The following PEX7 variants were observed in gnomAD, a reference collection of about 807,000 sequenced individuals.
The protein encoded by PEX7 is peroxisomal biogenesis factor 7, also known as PTS2 receptor.
A neutral mutation model predicts 47.5 loss-of-function variants in PEX7; 34 were observed. The ratio of observed to expected loss-of-function variants is 0.72; its 90% CI spans 0.54 to 0.95. The LOEUF is 0.95. Ranked by LOEUF, PEX7 falls within the 40% of genes least tolerant of loss-of-function variation. PEX7 has a pLI of 0.00. For synonymous variants in PEX7, 141 were observed against 148.8 expected (o/e 0.95, Z 0.38); for missense variants, 394 against 400.3 (o/e 0.98, Z 0.13).
intron 3 of PEX7, among the ~76,000 whole-genome samples, chr6:136,830,791 G>A (rs1445167029): frequency 1.3e-5 from 2 of 152,140 alleles, no homozygotes; most frequent in Non-Finnish European, 2.9e-5. Flanking sequence ...TCAGACTAAT[G>A]AGTTGGCTTA....
intron 8 of PEX7, among the ~76,000 whole-genome samples, chr6:136,874,028 T>C (rs1014201423): frequency 2.0e-5 from 3 of 152,244 alleles, no homozygotes; most frequent in Non-Finnish European, 4.4e-5. Context: ...GCTAATATTT[T>C]ATTTAAAGCT....
chr6:136,904,632 CTTTT>C (rs772446747), intron 9 of PEX7, among the ~76,000 whole-genome samples: 5 of 129,594 alleles, frequency 3.9e-5, no homozygotes, highest in Admixed American at 7.8e-5. Context: ...CCTGCACAAG[CTTTT>C]TTTTTTTTTT....
At chr6:136,834,125 A>C (rs1006331653) in intron 3 of PEX7, among the ~76,000 whole-genome samples, 13 of 152,222 alleles carry the variant, frequency 8.5e-5, no homozygotes, top group African/African-American at 3.1e-4. Context: ...TTGCTATTTG[A>C]CCTGAGTCTT....
chr6:136,824,236 C>G (rs1395483748), intron 1 of PEX7, among the ~76,000 whole-genome samples: 1 of 152,090 alleles, frequency 6.6e-6, no homozygotes, highest in Admixed American at 6.5e-5. Context: ...GGGTCTCACC[C>G]TGTTGCCTAG....
At chr6:136,853,158 G>T (rs1429231661) in intron 5 of PEX7, among the ~76,000 whole-genome samples, 1 of 152,204 alleles carries the variant, frequency 6.6e-6, no homozygotes, top group African/African-American at 2.4e-5. Context: ...ATGCAGCTAC[G>T]CCCGTTTATT....
At chr6:136,825,169 C>T (rs1774164639) in intron 1 of PEX7, 45 bp from the exon 2 acceptor site, 1 of 1,488,294 alleles carries the variant, frequency 6.7e-7, no homozygotes, top group African/African-American at 1.4e-5. Context: ...TTCGATGTTA[C>T]CCTGGCAGGT....
chr6:136,846,739 A>G (rs964340954), intron 5 of PEX7, among the ~76,000 whole-genome samples: 13 of 152,134 alleles, frequency 8.5e-5, no homozygotes, highest in Non-Finnish European at 1.9e-4. Flanking sequence ...GATCCAGTCT[A>G]TCATTGTTGG....
At chr6:136,825,857 C>T (rs906445221) in intron 2 of PEX7, among the ~76,000 whole-genome samples, 13 of 151,848 alleles carry the variant, frequency 8.6e-5, no homozygotes, top group Admixed American at 2.6e-4. Context: ...ATTTTTAGGC[C>T]GTAGTCCCAG....
At chr6:136,890,486 A>G (rs766164766) in intron 8 of PEX7, among the ~76,000 whole-genome samples, 1 of 151,850 alleles carries the variant, frequency 6.6e-6, no homozygotes, top group African/African-American at 2.4e-5. Flanking sequence ...TTTCATGTCC[A>G]GTTACAAGAA....
chr6:136,883,544 C>T (rs1314659768), intron 8 of PEX7, among the ~76,000 whole-genome samples: 1 of 152,126 alleles, frequency 6.6e-6, no homozygotes, highest in Non-Finnish European at 1.5e-5. Context: ...CTGACCCTTC[C>T]TTCTTAGGGT....
chr6:136,903,336 CTTTTT>C (rs552573661), intron 9 of PEX7, among the ~76,000 whole-genome samples: 2 of 126,318 alleles, frequency 1.6e-5, no homozygotes, highest in African/African-American at 5.8e-5. Flanking sequence ...CTTTCTTTCT[CTTTTT>C]TTTTTTTTTT....
At chr6:136,844,854 T>G (rs1419019167) in intron 3 of PEX7, among the ~76,000 whole-genome samples, 1 of 152,210 alleles carries the variant, frequency 6.6e-6, no homozygotes, top group African/African-American at 2.4e-5. Context: ...TACTCATACT[T>G]CCTACGTATA....
chr6:136,906,358 T>C (rs950777023), intron 9 of PEX7, among the ~76,000 whole-genome samples: 6 of 152,160 alleles, frequency 3.9e-5, no homozygotes, highest in Non-Finnish European at 7.4e-5. Context: ...CTATTAAAAA[T>C]AATAAGAGAG....
At chr6:136,898,709 TAG>T (rs1775695926) in intron 9 of PEX7, among the ~76,000 whole-genome samples, 1 of 152,144 alleles carries the variant, frequency 6.6e-6, no homozygotes, top group South Asian at 2.1e-4. Context: ...ACAAGTAAAA[TAG>T]AATGTCTGCT....
intron 8 of PEX7, among the ~76,000 whole-genome samples, chr6:136,875,181 G>A (rs562100708): frequency 2.7e-5 from 4 of 150,542 alleles, no homozygotes; most frequent in Non-Finnish European, 5.9e-5. Context: ...ATTAATCACT[G>A]CTTTTATTTT....
At chr6:136,868,737 T>A (rs1231081957) in intron 6 of PEX7, among the ~76,000 whole-genome samples, 2 of 145,032 alleles carry the variant, frequency 1.4e-5, no homozygotes, top group Non-Finnish European at 3.0e-5. Flanking sequence ...AAACTGCAAC[T>A]ACTTTTGCGC....
At chr6:136,880,065 A>G (rs1014191109) in intron 8 of PEX7, among the ~76,000 whole-genome samples, 1 of 148,828 alleles carries the variant, frequency 6.7e-6, no homozygotes, top group African/African-American at 2.5e-5. Flanking sequence ...ATGTCCCTAA[A>G]TGCTTGCTTG....
intron 5 of PEX7, among the ~76,000 whole-genome samples, chr6:136,846,685 A>T (rs1224603256): frequency 6.6e-6 from 1 of 152,032 alleles, no homozygotes; most frequent in African/African-American, 2.4e-5. Flanking sequence ...ATCCTTTTTT[A>T]TGGCTGCATA....
intron 5 of PEX7, among the ~76,000 whole-genome samples, chr6:136,865,862 A>T (rs1402880606): frequency 6.6e-6 from 1 of 152,026 alleles, no homozygotes; most frequent in Non-Finnish European, 1.5e-5. Flanking sequence ...AGGCGGGTGG[A>T]TCACGAGGTC....
Sources: gnomAD v4.1 joint callset for allele counts (sites outside exome capture counted in the v4.1 genomes callset) on GRCh38, gnomAD v4.1.1 for gene constraint, MANE v1.5 for transcripts, NCBI Gene and HGNC (gene_info 2026-07-23, HGNC 2026-07-21) for gene names.